Variants in MTFR1 observed in about 807,000 individuals in gnomAD.
The protein encoded by MTFR1 is chondrocyte protein with a poly-proline region.
Under a neutral mutation model 38.8 loss-of-function variants are expected in MTFR1, and 28 were observed. The ratio of observed to expected loss-of-function variants is 0.72; its 90% CI spans 0.53 to 0.99. The LOEUF (loss-of-function observed/expected upper bound fraction) is 0.99. MTFR1 is among the 50% of genes least tolerant of loss of function. MTFR1 has a pLI of 0.00. For missense variants in MTFR1, 358 were observed against 395.5 expected (o/e 0.91, Z 0.81); for synonymous variants, 145 against 137.0 (o/e 1.06, Z -0.41).
chr8:65,691,808 C>A (rs1805289852), intron 3 of MTFR1, among the ~76,000 whole-genome samples: 1 of 152,100 alleles, frequency 6.6e-6, no homozygotes, highest in Admixed American at 6.6e-5. Flanking sequence ...TGCCACCACG[C>A]CCAGCCCTTA....
intron 1 of MTFR1, among the ~76,000 whole-genome samples, chr8:65,656,429 G>A (rs1809272258): frequency 6.6e-6 from 1 of 151,500 alleles, no homozygotes; most frequent in South Asian, 2.1e-4. Context: ...AAACTCCTGA[G>A]TTCAAGAGAT....
intron 3 of MTFR1, among the ~76,000 whole-genome samples, chr8:65,690,233 ATTC>A (rs1199378992): frequency 6.6e-6 from 1 of 152,176 alleles, no homozygotes; most frequent in Non-Finnish European, 1.5e-5. Context: ...TTGAATATGT[ATTC>A]TTAGAAAAGT....
chr8:65,678,990 C>T (rs1158306215), intron 2 of MTFR1, among the ~76,000 whole-genome samples: 3 of 152,166 alleles, frequency 2.0e-5, no homozygotes, highest in African/African-American at 4.8e-5. Flanking sequence ...TGACATTTCA[C>T]CCTGCAACAT....
chr8:65,664,933 A>ATT (rs374209617), intron 1 of MTFR1, among the ~76,000 whole-genome samples: 93 of 125,678 alleles, frequency 7.4e-4, no homozygotes, highest in East Asian at 3.6e-3. Context: ...TTAAAAAAAA[A>ATT]TTTTTTTTTT....
intron 3 of MTFR1, among the ~76,000 whole-genome samples, chr8:65,731,980 ATTATTATTG>A (rs1452712758): frequency 3.3e-5 from 5 of 151,454 alleles, no homozygotes; most frequent in African/African-American, 7.3e-5. Context: ...TATTATTATT[ATTATTATTG>A]TTGTTGTTGT....
At chr8:65,705,101 A>G (rs1563457803) in intron 5 of MTFR1, among the ~76,000 whole-genome samples, 172 bp downstream of exon 5, 1 of 152,144 alleles carries the variant, frequency 6.6e-6, no homozygotes, top group Admixed American at 6.5e-5. Context: ...TGAGGCAGGC[A>G]GATCACGAGG....
At chr8:65,680,476 A>G (rs893466440) in intron 2 of MTFR1, among the ~76,000 whole-genome samples, 1 of 152,104 alleles carries the variant, frequency 6.6e-6, no homozygotes, top group Non-Finnish European at 1.5e-5. Flanking sequence ...TGAACCCCAC[A>G]CTGACTCATA....
chr8:65,723,680 A>C, intron 3 of MTFR1: 1 of 1,223,940 alleles, frequency 8.2e-7, no homozygotes, highest in Non-Finnish European at 1.1e-6. Flanking sequence ...TAAATATATA[A>C]TTAAAGGCTT....
chr8:65,770,290 A>G (rs1809020656), intron 3 of MTFR1, among the ~76,000 whole-genome samples: 1 of 151,974 alleles, frequency 6.6e-6, no homozygotes, highest in African/African-American at 2.4e-5. Context: ...ATTTATAAAG[A>G]AAAAGAGGTT....
intron 1 of MTFR1, among the ~76,000 whole-genome samples, chr8:65,665,892 T>C (rs913661861): frequency 6.7e-6 from 1 of 150,358 alleles, no homozygotes; most frequent in African/African-American, 2.4e-5. Context: ...TTAGGATTTT[T>C]TACTAAAATG....
rs529579511 is a variant in MTFR1 at position 65,675,322 on chromosome 8, G to A, written c.66+5304G>A. Among the ~76,000 whole-genome samples the A allele has an allele frequency of 7.0e-4, 105 of 149,428 alleles. 2 individuals carry two copies. The South Asian group carries it at 0.018, about 26-fold the overall frequency. On this transcript the variant is annotated intron_variant, in intron 2 of 7. Transcript: ENST00000262146. ...ACAAAACAAAACAAAAAGGCCGGGC[G>A]CGGTGGCTTACGCCTGTAATCCCAG...
At chr8:65,704,670 G>A in intron 4 of MTFR1, 24 bp from the exon 5 acceptor site, 1 of 1,602,058 alleles carries the variant, frequency 6.2e-7, no homozygotes, top group South Asian at 1.1e-5. Flanking sequence ...GCCTGTGACA[G>A]CCCACCTTAT....
intron 3 of MTFR1, among the ~76,000 whole-genome samples, chr8:65,768,638 A>G (rs145740669): frequency 2.4e-4 from 37 of 152,304 alleles, no homozygotes; most frequent in African/African-American, 7.7e-4. Context: ...TCTTACTGAT[A>G]CTTGTATTCT....
At chr8:65,689,524 T>G in intron 3 of MTFR1, 1 of 1,208,050 alleles carries the variant, frequency 8.3e-7, no homozygotes, top group Non-Finnish European at 1.1e-6. Flanking sequence ...GAAAAAAAAT[T>G]TCTATCTCTT....
downstream of MTFR1, among the ~76,000 whole-genome samples, chr8:65,711,196 G>A (rs1227162603): frequency 2.6e-5 from 4 of 152,156 alleles, no homozygotes; most frequent in Non-Finnish European, 5.9e-5. Context: ...CTATGCACTT[G>A]CTTGTGCAGG....
chr8:65,648,208 G>C (rs1231406443), intron 1 of MTFR1, among the ~76,000 whole-genome samples: 1 of 152,002 alleles, frequency 6.6e-6, no homozygotes, highest in African/African-American at 2.4e-5. Context: ...TAGTAGAGAC[G>C]GGGTTTCACT....
chr8:65,686,139 T>C (rs185449279), intron 3 of MTFR1, among the ~76,000 whole-genome samples: 2 of 152,370 alleles, frequency 1.3e-5, no homozygotes, highest in Admixed American at 1.3e-4. Flanking sequence ...TTTCAATAAC[T>C]ACTAGATAAT....
downstream of MTFR1, among the ~76,000 whole-genome samples, chr8:65,771,950 G>A (rs530196776): frequency 1.1e-4 from 17 of 150,502 alleles, no homozygotes; most frequent in East Asian, 1.4e-3. Context: ...CAGGGATAAC[G>A]GTTAGTTAGG....
At chr8:65,669,713 G>A (rs1405330740) in intron 1 of MTFR1, among the ~76,000 whole-genome samples, 160 bp from the exon 2 acceptor site, 5 of 152,078 alleles carry the variant, frequency 3.3e-5, no homozygotes, top group Non-Finnish European at 5.9e-5. Context: ...CGCCACGCCC[G>A]GCTAATTTTG....
Sources: gnomAD v4.1 joint callset for allele counts (sites outside exome capture counted in the v4.1 genomes callset) on GRCh38, gnomAD v4.1.1 for gene constraint, MANE v1.5 for transcripts, NCBI Gene and HGNC (gene_info 2026-07-23, HGNC 2026-07-21) for gene names.